Variants in FSBP observed in about 807,000 individuals in gnomAD.
FSBP encodes fibrinogen silencer binding protein.
A neutral mutation model predicts 24.6 loss-of-function variants in FSBP; 18 were observed. That is an observed-to-expected ratio of 0.73 (90% confidence interval 0.51 to 1.08). The LOEUF is 1.08. Among genes scored for constraint, FSBP ranks in the 50% least tolerant of loss-of-function variants. FSBP has a pLI of 0.00. For synonymous variants in FSBP, 110 were observed against 125.8 expected, an observed-to-expected ratio of 0.87 and a Z score of 0.84; for missense variants, 305 against 347.6, an observed-to-expected ratio of 0.88 and a Z score of 0.98.
In FSBP at chr8:94,432,226, G is replaced by A; in HGVS notation, c.805C>T (p.Gln269Ter). Residue 269 changes from glutamine (Q) to a stop codon, truncating the protein, a stop_gained, in exon 2 of 2, where the codon CAG (glutamine) becomes TAG (stop). Transcript: ENST00000481490. LOFTEE classifies it high-confidence loss of function. ...GCTCTTAGTAGCTCTTCCTCTAGCT[G>A]CTGCCTTCTTTTCAATCCATCCCTC... is the stretch of plus-strand genomic sequence containing the variant. Reference protein sequence around the residue: ...EKRDGLKRRQQLEEELLRAKI... With the variant: ...EKRDGLKRRQ 1.3e-6 allele frequency: 2 copies of A among 1,550,282 alleles called. No homozygotes were observed. Among genetic ancestry groups the A allele is most frequent in the Non-Finnish European group, 1.7e-6 (2 of 1,146,880 alleles).
In FSBP at chr8:94,430,867, C is replaced by T. The variant is rs1220230732; in HGVS notation, c.*1264G>A. 4 of 985,422 alleles carry T rather than the reference C, an allele frequency of 4.1e-6. No individual in the cohort carries two copies. Among genetic ancestry groups the T allele is most frequent in the East Asian group, 1.1e-4 (1 of 8,818 alleles). The allele number at this position is 985,422 out of a possible 1,614,324, so 61.0% of individuals were successfully genotyped here. ...GAGATGTCCTTCCTAGTCCAGGATA[C>T]TACAGCCCAAATTGACTCTCTCTAC... On this transcript the variant is annotated 3_prime_UTR_variant, in exon 2 of 2. Coordinates refer to ENST00000481490, the MANE Select transcript of FSBP (RefSeq NM_001256141.2).
Position 94,429,608 on chromosome 8 carries a change from T to G in FSBP, c.*2523A>C. On this transcript the variant is annotated 3_prime_UTR_variant, in exon 2 of 2. Coordinates refer to ENST00000481490, the MANE Select transcript of FSBP (RefSeq NM_001256141.2). The stretch of plus-strand genomic sequence containing the variant: ...AATAAAGCTTACTACTGCCAAGATG[T>G]GTTTACTAGAATTATACTGGGAAAC... 1.0e-6 allele frequency: 1 copy of G among 983,492 alleles called. No individual in the cohort carries two copies. Among genetic ancestry groups the G allele is most frequent in the Non-Finnish European group, 1.2e-6 (1 of 828,164 alleles). 60.9% of individuals were successfully genotyped at this position (983,492 alleles called of 1,614,324 possible).
rs773504784 is a variant in FSBP at position 94,436,689 on chromosome 8, G to T, written c.180C>A (p.Arg60=). Residue 60 remains arginine (R), a synonymous_variant, in exon 1 of 2, where the codon CGC becomes CGA. Coordinates refer to ENST00000481490, the MANE Select transcript of FSBP (RefSeq NM_001256141.2). ...GTAGGCCCTGTGCTGTTCGAGGAGG[G>T]CGGTCTACTCCAATTGCATTATAGT... The part of the protein sequence containing the change: ...AVNYNAIGVD[R]PPRTAQGLRT... 1.3e-6 allele frequency: 2 copies of T among 1,550,546 alleles called. No individual in the cohort carries two copies. Among genetic ancestry groups the T allele is most frequent in the African/African-American group, 1.4e-5 (1 of 73,042 alleles).
rs1812075921 is a variant in FSBP, at chr8:94,430,930, CT to C, written c.*1200del. ...TCAATGGCTTAGCACTGCATTTGTGCTTATATACTCAATCCACTTTTTCCCA... is the reference window on the plus strand; with the variant it reads ...TCAATGGCTTAGCACTGCATTTGTGCTATATACTCAATCCACTTTTTCCCA... On this transcript the variant is annotated 3_prime_UTR_variant, in exon 2 of 2. Coordinates refer to ENST00000481490, the MANE Select transcript of FSBP (RefSeq NM_001256141.2). 3 of 985,330 alleles carry C rather than the reference CT, an allele frequency of 3.0e-6. No individual in the cohort carries two copies. Among genetic ancestry groups the C allele is most frequent in the Non-Finnish European group, 3.6e-6 (3 of 829,906 alleles). 61.0% of individuals were successfully genotyped at this position (985,330 alleles called of 1,614,324 possible). A position where few individuals can be genotyped will look rare whatever the true frequency, so the allele number is the denominator to read the frequency against.
chr8:94,436,272 A>G (rs1812256910), intron 1 of FSBP, among the ~76,000 whole-genome samples: 3 of 152,198 alleles, frequency 2.0e-5, no homozygotes. Context: ...TTTAGAAACT[A>G]CAGGAGGGAA....
In FSBP at chr8:94,431,875, TAA is replaced by T. The variant is rs1318370901; in HGVS notation, c.*254_*255del. The T allele has an allele frequency of 8.7e-7, 1 of 1,151,308 alleles. No individual in the cohort carries two copies. Among genetic ancestry groups the T allele is most frequent in the African/African-American group, 1.6e-5 (1 of 61,012 alleles). 71.3% of individuals were successfully genotyped at this position (1,151,308 alleles called of 1,614,324 possible). Reference sequence around the variant, plus strand: ...TTTGTGTATATCTTAGTGATCAGAATAAAATATCTTTTGTAAGGTCAACAATT... The same window carrying T: ...TTTGTGTATATCTTAGTGATCAGAATAATATCTTTTGTAAGGTCAACAATT... On this transcript the variant is annotated 3_prime_UTR_variant, in exon 2 of 2. Coordinates refer to ENST00000481490, the MANE Select transcript of FSBP (RefSeq NM_001256141.2).
intron 1 of FSBP, 146 bp from the exon 2 acceptor site, chr8:94,432,802 A>G: frequency 9.1e-7 from 1 of 1,094,014 alleles, no homozygotes; most frequent in Non-Finnish European, 1.2e-6. Context: ...TAAACACTTG[A>G]AATACATTAA....
Position 94,430,643 on chromosome 8 carries a change from A to G in FSBP, c.*1488T>C. The G allele has an allele frequency of 3.1e-6, 2 of 651,376 alleles. No homozygotes were observed. The highest frequency in any genetic ancestry group is 3.8e-6 in the Non-Finnish European group (2 of 525,290). 40.3% of individuals were successfully genotyped at this position (651,376 alleles called of 1,614,324 possible). A position where few individuals can be genotyped will look rare whatever the true frequency, so the allele number is the denominator to read the frequency against. On this transcript the variant is annotated 3_prime_UTR_variant, in exon 2 of 2. Coordinates refer to ENST00000481490, the MANE Select transcript of FSBP (RefSeq NM_001256141.2). ...ACTTGGAAAACCATTGGTCTACTCC[A>G]AAGGCCACAAAGTGGAAGCCCAATG...
In FSBP at chr8:94,429,387, C is replaced by T; in HGVS notation, c.*2744G>A. 1.3e-6 allele frequency: 1 copy of T among 750,962 alleles called. No individual in the cohort carries two copies. Among genetic ancestry groups the T allele is most frequent in the Non-Finnish European group, 1.6e-6 (1 of 616,552 alleles). 46.5% of individuals were successfully genotyped at this position (750,962 alleles called of 1,614,324 possible). On this transcript the variant is annotated 3_prime_UTR_variant, in exon 2 of 2. Coordinates refer to ENST00000481490, the MANE Select transcript of FSBP (RefSeq NM_001256141.2). ...CCACCAAAAATAAAAAAGATGTATACTGCACTTTTTTTTAACACAGATCTC... is the reference window on the plus strand; with the variant it reads ...CCACCAAAAATAAAAAAGATGTATATTGCACTTTTTTTTAACACAGATCTC...
Position 94,427,913 on chromosome 8 carries a change from C to G in FSBP, c.*4218G>C. The G allele has an allele frequency of 1.1e-6, 1 of 926,768 alleles. No individual in the cohort carries two copies. Among genetic ancestry groups the G allele is most frequent in the Non-Finnish European group, 1.3e-6 (1 of 780,510 alleles). 57.4% of individuals were successfully genotyped at this position (926,768 alleles called of 1,614,324 possible). A position where few individuals can be genotyped will look rare whatever the true frequency, so the allele number is the denominator to read the frequency against. ...CATTTTCACATAAGTAAAGATAGAA[C>G]AGGGTAGAATGACTCCTTAAAAAAA... On this transcript the variant is annotated 3_prime_UTR_variant, in exon 2 of 2. Transcript: ENST00000481490.
At chr8:94,436,152 G>GA (rs943875639) in intron 1 of FSBP, among the ~76,000 whole-genome samples, 1 of 151,690 alleles carries the variant, frequency 6.6e-6, no homozygotes, top group Admixed American at 6.6e-5. Context: ...TCTTAAATGA[G>GA]AAAAAAAGTA....
In FSBP at chr8:94,430,806, C is replaced by T. The variant is rs79322802; in HGVS notation, c.*1325G>A. On this transcript the variant is annotated 3_prime_UTR_variant, in exon 2 of 2. Coordinates refer to ENST00000481490, the MANE Select transcript of FSBP (RefSeq NM_001256141.2). ...TTTATCCCCGCATGTGAAAATTCTGCTGGAGCTAAACAGCAGCTACCCTAC... is the reference window on the plus strand; with the variant it reads ...TTTATCCCCGCATGTGAAAATTCTGTTGGAGCTAAACAGCAGCTACCCTAC... 1.6e-3 allele frequency: 1,601 copies of T among 985,432 alleles called. 17 individuals are homozygous for T. The African/African-American group carries it at 0.026, about 16-fold the overall frequency. 61.0% of individuals were successfully genotyped at this position (985,432 alleles called of 1,614,324 possible).
At position 94,430,802 on chromosome 8, in the gene FSBP, TCTG is replaced by T. The variant is rs1812073423; in HGVS notation, c.*1326_*1328del. The T allele has an allele frequency of 9.1e-6, 9 of 985,478 alleles. No individual in the cohort carries two copies. Among genetic ancestry groups the T allele is most frequent in the Non-Finnish European group, 1.1e-5 (9 of 829,944 alleles). The allele number at this position is 985,478 out of a possible 1,614,324, so 61.0% of individuals were successfully genotyped here. A position where few individuals can be genotyped will look rare whatever the true frequency, so the allele number is the denominator to read the frequency against. ...CTGGTTTATCCCCGCATGTGAAAAT[TCTG>T]CTGGAGCTAAACAGCAGCTACCCTA... On this transcript the variant is annotated 3_prime_UTR_variant, in exon 2 of 2. Coordinates refer to ENST00000481490, the MANE Select transcript of FSBP (RefSeq NM_001256141.2).
chr8:94,432,320 T>G lies in FSBP; in HGVS notation c.711A>C (p.Gln237His). ...SLLGYDPQILQMLKEEHQIIL... is the reference protein window; with the variant it reads ...SLLGYDPQILHMLKEEHQIIL... ...TTATCTGATGCTCCTCTTTCAACAT[T>G]TGCAGGATCTGAGGATCATACCCTA... The change falls in exon 2 of 2, where the codon CAA becomes CAC. Residue 237 changes from glutamine to histidine, a missense_variant. Coordinates refer to ENST00000481490, the MANE Select transcript of FSBP (RefSeq NM_001256141.2). 1 of 1,550,300 alleles carries G rather than the reference T, an allele frequency of 6.5e-7. No individual in the cohort carries two copies. Among genetic ancestry groups the G allele is most frequent in the Non-Finnish European group, 8.7e-7 (1 of 1,146,846 alleles).
intron 1 of FSBP, 112 bp from the exon 2 acceptor site, chr8:94,432,768 A>C: frequency 1.6e-6 from 2 of 1,287,898 alleles, no homozygotes; most frequent in East Asian, 2.7e-5. Context: ...TAAAACTATA[A>C]AGTTACAAAA....
chr8:94,428,264 T>C lies in FSBP; in HGVS notation c.*3867A>G, dbSNP rs938167190. On this transcript the variant is annotated 3_prime_UTR_variant, in exon 2 of 2. Coordinates refer to ENST00000481490, the MANE Select transcript of FSBP (RefSeq NM_001256141.2). ...TTTAAAAAACAAAATCACTCTTCTC[T>C]ATGTTCTCCCAGCATTACATTTTGT... 6.2e-6 allele frequency: 6 copies of C among 961,896 alleles called. No homozygotes were observed. In the South Asian group the frequency reaches 2.9e-4, roughly 46 times the overall value. The allele number at this position is 961,896 out of a possible 1,614,324, so 59.6% of individuals were successfully genotyped here. A position where few individuals can be genotyped will look rare whatever the true frequency, so the allele number is the denominator to read the frequency against.
intron 1 of FSBP, among the ~76,000 whole-genome samples, chr8:94,434,720 C>CTT (rs1812209175): frequency 6.6e-6 from 1 of 151,114 alleles, no homozygotes. Flanking sequence ...AAGAAATAAG[C>CTT]TAATACAGAG....
At chr8:94,435,961 T>C (rs1812246500) in intron 1 of FSBP, among the ~76,000 whole-genome samples, 1 of 152,148 alleles carries the variant, frequency 6.6e-6, no homozygotes, top group Non-Finnish European at 1.5e-5. Context: ...TTAAACTGTC[T>C]TCATATACAC....
Position 94,431,518 on chromosome 8 carries a change from G to T in FSBP, c.*613C>A, listed in dbSNP as rs76137066. 1.4e-3 allele frequency: 1,415 copies of T among 979,682 alleles called. 58 individuals carry two copies. In the East Asian group the frequency reaches 0.092, roughly 64 times the overall value. The allele number at this position is 979,682 out of a possible 1,614,324, so 60.7% of individuals were successfully genotyped here. A position where few individuals can be genotyped will look rare whatever the true frequency, so the allele number is the denominator to read the frequency against. ...AATAGCGGGATGGAAATTACACAAA[G>T]AAAAACTAAGTGCTGGTCTCTGCTC... On this transcript the variant is annotated 3_prime_UTR_variant, in exon 2 of 2. Coordinates refer to ENST00000481490, the MANE Select transcript of FSBP (RefSeq NM_001256141.2).
Sources: allele counts gnomAD v4.1 joint callset (sites outside exome capture counted in the v4.1 genomes callset), GRCh38; gene constraint gnomAD v4.1.1; transcripts MANE v1.5; gene names NCBI Gene and HGNC (gene_info 2026-07-23, HGNC 2026-07-21).